The following ABCA5 variants were observed in gnomAD, a reference collection of about 807,000 sequenced individuals.
ABCA5 encodes the protein cholesterol transporter ABCA5.
In ABCA5, 163 loss-of-function variants were observed where a neutral mutation model predicts 206.0. That is an observed-to-expected ratio of 0.79 (90% CI 0.70 to 0.90). The LOEUF is 0.90. Among genes scored for constraint, ABCA5 ranks in the 40% least tolerant of loss-of-function variants. The pLI, the probability that ABCA5 is intolerant of heterozygous loss-of-function variation, is 0.00. For synonymous variants in ABCA5, 609 were observed against 613.8 expected (o/e 0.99, Z 0.11); for missense variants, 1,859 against 1,912.9 (o/e 0.97, Z 0.53).
rs2075895747 is a variant in ABCA5, at chr17:69,326,160, C to T, written c.-16+892G>A. Among the ~76,000 whole-genome samples, 1 of 152,310 alleles carries T rather than the reference C, an allele frequency of 6.6e-6. No individual in the cohort carries two copies. The highest frequency in any genetic ancestry group is 1.9e-4 in the East Asian group (1 of 5,182). On this transcript the variant is annotated intron_variant, in intron 1 of 38. Transcript: ENST00000392676. This position sits in a 1 kb window ranked among gnomAD's most constrained non-coding sequence, Gnocchi z 4.8. The stretch of plus-strand genomic sequence containing the variant: ...TACTAGCTGAGACCTTAATAAGTTA[C>T]TTAACCTCTTTGAGGCCCATTCTCC...
At chr17:69,264,980 T>C in intron 23 of ABCA5, 75 bp from the exon 24 acceptor site, 1 of 1,061,324 alleles carries the variant, frequency 9.4e-7, no homozygotes, top group Non-Finnish European at 1.3e-6. Context: ...TAAATTATTG[T>C]AGATCTCTTA....
Position 69,316,482 on chromosome 17 carries a change from G to A in ABCA5, c.-15-2052C>T, listed in dbSNP as rs550683547. On this transcript the variant is annotated intron_variant, in intron 1 of 38. Coordinates refer to ENST00000392676, the MANE Select transcript of ABCA5 (RefSeq NM_172232.4). The stretch of plus-strand genomic sequence containing the variant: ...AACCTGGGTGACAAAGTGAGGCCCT[G>A]TCTCAAAGAAAAAAAAAAAGAAGAA... 2.8e-5 allele frequency among the ~76,000 whole-genome samples: 4 copies of A among 143,516 alleles called. No individual in the cohort carries two copies. In the South Asian group the frequency reaches 9.3e-4, roughly 33 times the overall value. 94.2% of individuals were successfully genotyped at this position (143,516 alleles called of 152,430 possible).
In ABCA5 at chr17:69,283,865, A is replaced by C. The variant is rs926742111; in HGVS notation, c.2392+88T>G. ...TTATTTCTACCCTTTATTCTAAAAA[A>C]AATATAAAATTACATTTATATAATT... On this transcript the variant is annotated intron_variant, in intron 18 of 38. Transcript: ENST00000392676. 5.2e-6 allele frequency: 7 copies of C among 1,334,452 alleles called. No individual in the cohort carries two copies. In the Admixed American group the frequency reaches 1.9e-4, roughly 35 times the overall value. The allele number at this position is 1,334,452 out of a possible 1,614,324, so 82.7% of individuals were successfully genotyped here.
intron 19 of ABCA5, among the ~76,000 whole-genome samples, chr17:69,276,637 C>T (rs523505): frequency 0.3 from 46,201 of 151,878 alleles, 7,527 homozygotes; most frequent in East Asian, 0.55. Context: ...GGGAACATCA[C>T]ACACCGGGGC....
intron 37 of ABCA5, chr17:69,249,094 G>A (rs2074984091): frequency 6.6e-6 from 1 of 152,044 alleles, no homozygotes; most frequent in Non-Finnish European, 1.5e-5. Flanking sequence ...ATTAATTAGT[G>A]TTCTTGGCAA....
At chr17:69,302,487 C>T (rs943322968) in intron 8 of ABCA5, among the ~76,000 whole-genome samples, 2 of 151,972 alleles carry the variant, frequency 1.3e-5, no homozygotes, top group African/African-American at 2.4e-5. Context: ...CTGAGATACA[C>T]TGAAGTAAAA....
intron 1 of ABCA5, chr17:69,318,969 T>C (rs2075841181): frequency 7.4e-6 from 4 of 544,188 alleles, no homozygotes; most frequent in Admixed American, 5.0e-5. Context: ...GTATAAATAA[T>C]GGCTGTTCAG....
In ABCA5 at chr17:69,274,323, A is replaced by G. The variant is rs572252990; in HGVS notation, c.2595-195T>C. On this transcript the variant is annotated intron_variant, in intron 19 of 38. Transcript: ENST00000392676. ...AACCTCCACCTCCCAGGCTCAAGCAATCTTCTCCCCTCACCATCCCAAATA... is the reference window on the plus strand; with the variant it reads ...AACCTCCACCTCCCAGGCTCAAGCAGTCTTCTCCCCTCACCATCCCAAATA... 4.6e-5 allele frequency among the ~76,000 whole-genome samples: 7 copies of G among 152,126 alleles called. No individual in the cohort carries two copies. In the East Asian group the frequency reaches 1.2e-3, roughly 25 times the overall value.
Position 69,283,989 on chromosome 17 carries a change from A to G in ABCA5, c.2356T>C (p.Leu786=). 6.2e-7 allele frequency: 1 copy of G among 1,608,202 alleles called. No homozygotes were observed. The highest frequency in any genetic ancestry group is 8.5e-7 in the Non-Finnish European group (1 of 1,177,460). The change falls in exon 18 of 39, where the codon TTA becomes CTA. Residue 786 remains leucine, a synonymous_variant. Coordinates refer to ENST00000392676, the MANE Select transcript of ABCA5 (RefSeq NM_172232.4). ...VSMTTLEDVF[L]KLEVEAEIDQ... ...ATTTCTGCTTCAACTTCTAGCTTTA[A>G]AAATACGTCTTCCAAAGTCGTCATG...
intron 1 of ABCA5, among the ~76,000 whole-genome samples, chr17:69,321,198 C>G (rs944740999): frequency 7.9e-5 from 12 of 151,726 alleles, no homozygotes; most frequent in Non-Finnish European, 1.6e-4. Context: ...TTGACGAACA[C>G]CCAAAACTAA....
At chr17:69,322,363 CAAAAAA>C (rs3029978) in intron 1 of ABCA5, among the ~76,000 whole-genome samples, 10 of 52,384 alleles carry the variant, frequency 1.9e-4, no homozygotes, top group African/African-American at 6.6e-4. Flanking sequence ...GATTCCGTCT[CAAAAAA>C]AAAAAAAAAA....
At chr17:69,302,090 T>G (rs748665644) in intron 8 of ABCA5, among the ~76,000 whole-genome samples, 1 of 152,206 alleles carries the variant, frequency 6.6e-6, no homozygotes, top group African/African-American at 2.4e-5. Context: ...CCAACCAACA[T>G]GAGTAATTTC....
rs776278452 is a variant in ABCA5, at chr17:69,297,293, C to A, written c.1334G>T (p.Arg445Ile). The change falls in exon 10 of 39, where the codon AGA becomes ATA. Residue 445 changes from arginine to isoleucine, a missense_variant. By Grantham distance (97) the Arg-to-Ile change is moderately conservative. Transcript: ENST00000392676. ...GCCCTCTGATAACTCCTCATAATTT[C>A]TTTTGCTCTTTGACCAATATGAAGG... ...LKPSYWSKSK[R>I]NYEELSEGNV... is the part of the protein sequence containing the mutation. 2.5e-6 allele frequency: 4 copies of A among 1,612,688 alleles called. No individual in the cohort carries two copies. The highest frequency in any genetic ancestry group is 3.4e-6 in the Non-Finnish European group (4 of 1,179,480).
At chr17:69,293,876 GTGTGTGTGTT>G (rs1567771920) in intron 11 of ABCA5, among the ~76,000 whole-genome samples, 5 of 104,746 alleles carry the variant, frequency 4.8e-5, no homozygotes, top group Admixed American at 1.2e-4. Flanking sequence ...GTGTGTGCGT[GTGTGTGTGTT>G]TGTGTGTGTG....
At position 69,262,888 on chromosome 17, in the gene ABCA5, C is replaced by T. The variant is rs930467908; in HGVS notation, c.3316-1140G>A. ...AAGCATTTCATTTTCTCTGCAGCCTCGCCAGCATCTGTTGGTTTTGACTTT... is the reference window on the plus strand; with the variant it reads ...AAGCATTTCATTTTCTCTGCAGCCTTGCCAGCATCTGTTGGTTTTGACTTT... On this transcript the variant is annotated intron_variant, in intron 24 of 38. Coordinates refer to ENST00000392676, the MANE Select transcript of ABCA5 (RefSeq NM_172232.4). Among the ~76,000 whole-genome samples, 4 of 151,992 alleles carry T rather than the reference C, an allele frequency of 2.6e-5. No homozygotes were observed. The East Asian group carries it at 5.8e-4, about 22-fold the overall frequency.
At position 69,246,229 on chromosome 17, in the gene ABCA5, G is replaced by A. The variant is rs1182267911; in HGVS notation, c.*1308C>T. 3 of 151,842 alleles carry A rather than the reference G, an allele frequency of 2.0e-5. No individual in the cohort carries two copies. In the East Asian group the frequency reaches 5.8e-4, roughly 29 times the overall value. The allele number at this position is 151,842 out of a possible 1,614,324, so 9.4% of individuals were successfully genotyped here. A position where few individuals can be genotyped will look rare whatever the true frequency, so the allele number is the denominator to read the frequency against. On this transcript the variant is annotated 3_prime_UTR_variant, in exon 39 of 39. Transcript: ENST00000392676. Reference sequence around the variant, plus strand: ...ATGAATAATGCCACTGAAAGGTTTTGCTTATTTAAAGTAATTCAGTACCAA... The same window carrying A: ...ATGAATAATGCCACTGAAAGGTTTTACTTATTTAAAGTAATTCAGTACCAA...
At chr17:69,299,268 G>T (rs772062739) in intron 9 of ABCA5, among the ~76,000 whole-genome samples, 30 of 152,072 alleles carry the variant, frequency 2.0e-4, no homozygotes, top group Non-Finnish European at 2.5e-4. Context: ...ATTCCTTAAA[G>T]AACTAAGGTA....
chr17:69,313,233 T>C lies in ABCA5; in HGVS notation c.166A>G (p.Lys56Glu), dbSNP rs2075786633. 6.6e-7 allele frequency: 1 copy of C among 1,525,660 alleles called. No homozygotes were observed. The highest frequency in any genetic ancestry group is 9.1e-7 in the Non-Finnish European group (1 of 1,102,094). 94.5% of individuals were successfully genotyped at this position (1,525,660 alleles called of 1,614,324 possible). A position where few individuals can be genotyped will look rare whatever the true frequency, so the allele number is the denominator to read the frequency against. ...LILISMMHPN[K>E]KYEEVPNIEL... The stretch of plus-strand genomic sequence containing the variant: ...ATATTAGGCACTTCTTCATATTTCT[T>C]ATTTGGATGCATCATGCTAATTAAT... The change falls in exon 3 of 39, where the codon AAG becomes GAG. Residue 56 changes from lysine to glutamate, a missense_variant. Lys to Glu is a moderately conservative substitution (Grantham distance 56, BLOSUM62 1). Coordinates refer to ENST00000392676, the MANE Select transcript of ABCA5 (RefSeq NM_172232.4).
chr17:69,296,997 A>G lies in ABCA5; in HGVS notation c.1436+194T>C, dbSNP rs117428642. Among the ~76,000 whole-genome samples the G allele has an allele frequency of 6.1e-3, 929 of 152,296 alleles. 10 individuals carry two copies. Among genetic ancestry groups the G allele is most frequent in the Non-Finnish European group, 0.01 (701 of 68,006 alleles). ...AGAAAGAAAGAAACATAAAATTTCAAACCTAGCACCAACTTTATTCTAAAT... is the reference window on the plus strand; with the variant it reads ...AGAAAGAAAGAAACATAAAATTTCAGACCTAGCACCAACTTTATTCTAAAT... On this transcript the variant is annotated intron_variant, in intron 10 of 38. Coordinates refer to ENST00000392676, the MANE Select transcript of ABCA5 (RefSeq NM_172232.4).
Sources: allele counts gnomAD v4.1 joint callset (sites outside exome capture counted in the v4.1 genomes callset), GRCh38; gene constraint gnomAD v4.1.1; non-coding constraint Gnocchi (gnomAD v3.1); transcripts MANE v1.5; gene names NCBI Gene and HGNC (gene_info 2026-07-23, HGNC 2026-07-21).